The following CFDP1 variants were observed in gnomAD, a reference collection of about 807,000 sequenced individuals.
CFDP1 encodes the protein heterochromatin-stabilizing protein CFDP1.
Under a neutral mutation model 40.1 loss-of-function variants are expected in CFDP1, and 31 were observed. The ratio of observed to expected loss-of-function variants is 0.77; its 90% CI spans 0.58 to 1.04. The LOEUF is 1.04. Ranked by LOEUF, CFDP1 falls within the 50% of genes least tolerant of loss-of-function variation. The probability of loss-of-function intolerance (pLI) is 0.00; values close to 1 mark genes in which losing one functional copy is unlikely to be tolerated. For synonymous variants in CFDP1, 167 were observed against 120.0 expected, an observed-to-expected ratio of 1.39 and a Z score of -2.56; for missense variants, 423 against 343.4, an observed-to-expected ratio of 1.23 and a Z score of -1.83.
At chr16:75,378,725 T>C (rs748340839) in intron 5 of CFDP1, among the ~76,000 whole-genome samples, 1 of 152,128 alleles carries the variant, frequency 6.6e-6, no homozygotes, top group Non-Finnish European at 1.5e-5. Context: ...TAGAGTTTAG[T>C]GCAAGACACA....
At chr16:75,335,657 C>T (rs2078482377) in intron 5 of CFDP1, among the ~76,000 whole-genome samples, 1 of 151,322 alleles carries the variant, frequency 6.6e-6, no homozygotes, top group Non-Finnish European at 1.5e-5. Flanking sequence ...CCCGGGTTCA[C>T]GCCATTCTCC....
At chr16:75,310,031 C>G (rs2078285822) in intron 5 of CFDP1, among the ~76,000 whole-genome samples, 1 of 152,180 alleles carries the variant, frequency 6.6e-6, no homozygotes, top group Non-Finnish European at 1.5e-5. Context: ...CATGCACTTG[C>G]TCACCCAGAT....
chr16:75,350,777 A>C (rs955963222), intron 5 of CFDP1, among the ~76,000 whole-genome samples: 2 of 152,208 alleles, frequency 1.3e-5, no homozygotes, highest in Non-Finnish European at 2.9e-5. Flanking sequence ...GAAACTCTCA[A>C]ATGAAAAAAA....
intron 1 of CFDP1, among the ~76,000 whole-genome samples, chr16:75,420,832 T>C (rs1019386185): frequency 2.0e-5 from 3 of 152,178 alleles, no homozygotes; most frequent in African/African-American, 7.2e-5. Flanking sequence ...AGTCTCTAGG[T>C]AGTTCAACTA....
chr16:75,319,797 C>G (rs765820736), intron 5 of CFDP1, among the ~76,000 whole-genome samples: 2 of 152,266 alleles, frequency 1.3e-5, no homozygotes, highest in Non-Finnish European at 2.9e-5. Context: ...CCTTAGGAAG[C>G]AATCATCTAT....
intron 6 of CFDP1, among the ~76,000 whole-genome samples, chr16:75,302,906 T>C (rs2078230695): frequency 6.6e-6 from 1 of 152,142 alleles, no homozygotes; most frequent in Non-Finnish European, 1.5e-5. Context: ...TAAAATGTTT[T>C]TTTTTAGGGC....
At chr16:75,427,328 G>A (rs151315892) in intron 1 of CFDP1, among the ~76,000 whole-genome samples, 24 of 151,462 alleles carry the variant, frequency 1.6e-4, no homozygotes, top group African/African-American at 2.4e-4. Context: ...CCGGCTCACT[G>A]CAACCTCCAC....
intron 5 of CFDP1, chr16:75,379,908 T>C (rs2078839160): frequency 6.6e-6 from 1 of 152,100 alleles, no homozygotes; most frequent in Non-Finnish European, 1.5e-5. Context: ...GAGGCCGAGA[T>C]GGGCATATCA....
At chr16:75,381,011 G>A (rs954312506) in intron 5 of CFDP1, among the ~76,000 whole-genome samples, 4 of 152,230 alleles carry the variant, frequency 2.6e-5, no homozygotes, top group African/African-American at 9.6e-5. Flanking sequence ...CACTATCTAA[G>A]CTAAATCTCT....
chr16:75,361,158 C>T (rs1242113790), intron 5 of CFDP1, among the ~76,000 whole-genome samples: 2 of 152,052 alleles, frequency 1.3e-5, no homozygotes, highest in Non-Finnish European at 2.9e-5. Flanking sequence ...TACAGGCACG[C>T]ACCACCACAC....
At chr16:75,387,883 A>G (rs1220718100) in intron 5 of CFDP1, among the ~76,000 whole-genome samples, 1 of 151,822 alleles carries the variant, frequency 6.6e-6, no homozygotes, top group East Asian at 1.9e-4. Flanking sequence ...AGTATAGAAA[A>G]TGGTTATATT....
At chr16:75,423,430 A>C (rs952884975) in intron 1 of CFDP1, among the ~76,000 whole-genome samples, 1 of 152,110 alleles carries the variant, frequency 6.6e-6, no homozygotes, top group Non-Finnish European at 1.5e-5. Flanking sequence ...CTGGGTAATC[A>C]AGCGATTCTC....
In CFDP1 at chr16:75,433,289, C is replaced by T. The variant is rs1251367776; in HGVS notation, c.64G>A (p.Gly22Ser). 4 of 1,598,266 alleles carry T rather than the reference C, an allele frequency of 2.5e-6. No homozygotes were observed. Among genetic ancestry groups the T allele is most frequent in the Non-Finnish European group, 3.4e-6 (4 of 1,174,094 alleles). Reference sequence around the variant, plus strand: ...TCTCGCCTCAGGCGGAATCGCTCACCCGACGGCACGTAGTCCTCGTCCTCC... The same window carrying T: ...TCTCGCCTCAGGCGGAATCGCTCACTCGACGGCACGTAGTCCTCGTCCTCC... ...SEEDEDYVPSGGEYSEDDVNE... is the reference protein window; with the variant it reads ...SEEDEDYVPSSGEYSEDDVNE... The change falls in exon 1 of 7, where the codon GGT (glycine) becomes AGT (serine). Residue 22 changes from glycine (G) to serine (S), a missense_variant and splice_region_variant. Physicochemically the swap from Gly to Ser is moderately conservative, Grantham distance 56. Transcript: ENST00000283882.
intron 5 of CFDP1, among the ~76,000 whole-genome samples, chr16:75,334,763 T>A (rs2078473801): frequency 6.6e-6 from 1 of 152,128 alleles, no homozygotes; most frequent in African/African-American, 2.4e-5. Context: ...AGGACCAACC[T>A]GGCCAACATG....
chr16:75,327,720 AATT>A (rs779034302), intron 5 of CFDP1, among the ~76,000 whole-genome samples: 6 of 151,898 alleles, frequency 4.0e-5, no homozygotes, highest in South Asian at 2.1e-4. Flanking sequence ...GTCAACGCCA[AATT>A]ATTATTATTA....
chr16:75,343,969 G>A (rs957150084), intron 5 of CFDP1, among the ~76,000 whole-genome samples: 1 of 152,174 alleles, frequency 6.6e-6, no homozygotes, highest in African/African-American at 2.4e-5. Flanking sequence ...CACTTCCACA[G>A]CATGTATACT....
chr16:75,365,238 G>A (rs184552951), intron 5 of CFDP1, among the ~76,000 whole-genome samples: 127 of 152,284 alleles, frequency 8.3e-4, no homozygotes, highest in South Asian at 2.5e-3. Context: ...CAAAAAAGAA[G>A]CTATTATTAA....
chr16:75,380,766 A>C (rs1471937352), intron 5 of CFDP1, among the ~76,000 whole-genome samples: 1 of 152,170 alleles, frequency 6.6e-6, no homozygotes, highest in Non-Finnish European at 1.5e-5. Context: ...TAACATAAAA[A>C]TTGGCCCAGG....
intron 5 of CFDP1, among the ~76,000 whole-genome samples, chr16:75,310,184 T>C (rs937786048): frequency 6.6e-6 from 1 of 152,232 alleles, no homozygotes; most frequent in Admixed American, 6.5e-5. Context: ...TAAAGACTAA[T>C]ACTGTTCAAG....
Sources: gnomAD v4.1 joint callset for allele counts (sites outside exome capture counted in the v4.1 genomes callset) on GRCh38, gnomAD v4.1.1 for gene constraint, MANE v1.5 for transcripts, NCBI Gene and HGNC (gene_info 2026-07-23, HGNC 2026-07-21) for gene names.